The following TRPC5 variants were observed in gnomAD, a reference collection of about 807,000 sequenced individuals.
The protein encoded by TRPC5 is short transient receptor potential channel 5.
TRPC5 carries 9 observed loss-of-function variants against 56.5 expected under a neutral mutation model. That is an observed-to-expected ratio of 0.16 (90% CI 0.10 to 0.28). The LOEUF (loss-of-function observed/expected upper bound fraction) is 0.28. Among genes scored for constraint, TRPC5 ranks in the 10% least tolerant of loss-of-function variants. The pLI is 1.00. For synonymous variants in TRPC5, 282 were observed against 278.5 expected (o/e 1.01, Z -0.13); for missense variants, 469 against 748.9 (o/e 0.63, Z 4.36).
intron 3 of TRPC5, among the ~76,000 whole-genome samples, chrX:111,872,804 A>G (rs1302285773): frequency 8.9e-6 from 1 of 112,268 alleles, no homozygotes; most frequent in Non-Finnish European, 1.9e-5. Context: ...CAAAGCCACA[A>G]TGAAATACCA....
At chrX:111,822,689 TTTATTAAG>T (rs1273647741) in intron 7 of TRPC5, among the ~76,000 whole-genome samples, 1 of 112,337 alleles carries the variant, frequency 8.9e-6, no homozygotes, top group East Asian at 2.8e-4. Context: ...TCAATACATG[TTTATTAAG>T]TTATTAAGTT....
chrX:111,836,710 A>G (rs1211100616), intron 6 of TRPC5, among the ~76,000 whole-genome samples: 2 of 112,638 alleles, frequency 1.8e-5, no homozygotes, highest in African/African-American at 3.2e-5. Flanking sequence ...TGTAAGCTCT[A>G]TGGAGGCAGA....
intron 1 of TRPC5, among the ~76,000 whole-genome samples, chrX:112,008,299 G>C (rs1457163152): frequency 1.1e-4 from 12 of 111,978 alleles, no homozygotes; most frequent in Admixed American, 1.9e-4. Flanking sequence ...TTTAGAAATA[G>C]AGAAGGTGAT....
At chrX:112,037,138 G>T (rs1477936207) in intron 1 of TRPC5, among the ~76,000 whole-genome samples, 3 of 111,460 alleles carry the variant, frequency 2.7e-5, no homozygotes. Flanking sequence ...TCTATCAATT[G>T]TAAACATTGC....
chrX:111,936,309 C>G (rs1421509131), intron 2 of TRPC5, among the ~76,000 whole-genome samples: 1 of 110,655 alleles, frequency 9.0e-6, no homozygotes, highest in Non-Finnish European at 1.9e-5. Context: ...TTATATCCTG[C>G]ACTTTACTGA....
At chrX:111,966,874 T>C in intron 1 of TRPC5, among the ~76,000 whole-genome samples, 1 of 111,239 alleles carries the variant, frequency 9.0e-6, no homozygotes. Context: ...GCCAATATCA[T>C]ACTGAATGGG....
chrX:111,937,196 T>C (rs1344652880), intron 2 of TRPC5, among the ~76,000 whole-genome samples: 2 of 106,031 alleles, frequency 1.9e-5, no homozygotes, highest in Non-Finnish European at 3.9e-5. Flanking sequence ...GAGTTGTTTG[T>C]TTTTTTCTTG....
chrX:112,005,044 G>A (rs1004662188), intron 1 of TRPC5, among the ~76,000 whole-genome samples: 3 of 111,256 alleles, frequency 2.7e-5, no homozygotes, highest in African/African-American at 6.5e-5. Context: ...CATTGCTATC[G>A]TGAATTTTAC....
chrX:112,067,790 T>C (rs1199315626), intron 1 of TRPC5, among the ~76,000 whole-genome samples: 2 of 111,937 alleles, frequency 1.8e-5, no homozygotes, highest in Non-Finnish European at 3.8e-5. Context: ...ATGCTCCACT[T>C]AACAGTGAAG....
At chrX:111,864,231 G>A (rs780637547) in intron 3 of TRPC5, among the ~76,000 whole-genome samples, 7 of 111,217 alleles carry the variant, frequency 6.3e-5, no homozygotes, top group East Asian at 5.7e-4. Context: ...CTCCTGATCC[G>A]CAGGCCTCCA....
In TRPC5 at chrX:112,027,645, C is replaced by T. The variant is rs59363510; in HGVS notation, c.-22+54234G>A. On this transcript the variant is annotated intron_variant, in intron 1 of 10. Transcript: ENST00000262839. ...CTGAGTAGCTGGGACTACAGGCGCC[C>T]GCCACCACGCCTGGCTAATTTTTTG... is the stretch of plus-strand genomic sequence containing the variant. 3.3e-3 allele frequency among the ~76,000 whole-genome samples: 371 copies of T among 110,872 alleles called. 1 individual carries two copies. Among genetic ancestry groups the T allele is most frequent in the African/African-American group, 0.012 (356 of 30,478 alleles).
intron 7 of TRPC5, among the ~76,000 whole-genome samples, chrX:111,815,495 G>A (rs1921831460): frequency 9.0e-6 from 1 of 111,307 alleles, no homozygotes; most frequent in East Asian, 2.8e-4. Context: ...TTGGGAAGCC[G>A]AGGTAGGTGG....
chrX:112,000,691 C>A (rs1245939647), intron 1 of TRPC5, among the ~76,000 whole-genome samples: 1 of 112,343 alleles, frequency 8.9e-6, no homozygotes, highest in Non-Finnish European at 1.9e-5. Context: ...TCCTGTCCTA[C>A]AACATGTAGA....
At chrX:112,047,737 G>C (rs1930087784) in intron 1 of TRPC5, among the ~76,000 whole-genome samples, 1 of 111,758 alleles carries the variant, frequency 8.9e-6, no homozygotes, top group Non-Finnish European at 1.9e-5. Flanking sequence ...CTGTACTTGT[G>C]GGAGTCTAGT....
At chrX:111,829,301 CAAAAAA>C (rs34464345) in intron 7 of TRPC5, among the ~76,000 whole-genome samples, 1 of 22,364 alleles carries the variant, frequency 4.5e-5, no homozygotes, top group African/African-American at 1.1e-4. Flanking sequence ...GACTCTGTCT[CAAAAAA>C]AAAAAAAAAA....
intron 1 of TRPC5, among the ~76,000 whole-genome samples, chrX:111,963,043 A>G (rs949181726): frequency 8.9e-6 from 1 of 112,359 alleles, no homozygotes; most frequent in African/African-American, 3.2e-5. Flanking sequence ...TCACTCGGAC[A>G]GCGCAAGGGG....
chrX:111,843,923 TGA>T (rs1225461042), intron 6 of TRPC5, among the ~76,000 whole-genome samples: 4 of 101,003 alleles, frequency 4.0e-5, no homozygotes, highest in Non-Finnish European at 8.0e-5. Flanking sequence ...TGTGTGTATG[TGA>T]GAGAGAGAGA....
At chrX:112,017,647 TGG>T (rs1319870029) in intron 1 of TRPC5, among the ~76,000 whole-genome samples, 3 of 110,939 alleles carry the variant, frequency 2.7e-5, no homozygotes, top group African/African-American at 9.8e-5. Context: ...CCTTGGACCT[TGG>T]GGCGCTGGGC....
intron 1 of TRPC5, among the ~76,000 whole-genome samples, chrX:112,056,219 A>G (rs1930338671): frequency 8.9e-6 from 1 of 111,803 alleles, no homozygotes; most frequent in African/African-American, 3.3e-5. Context: ...GGACACTCTC[A>G]TGCAGTGCGT....
Sources: allele counts gnomAD v4.1 joint callset (sites outside exome capture counted in the v4.1 genomes callset), GRCh38; gene constraint gnomAD v4.1.1; transcripts MANE v1.5; gene names NCBI Gene and HGNC (gene_info 2026-07-23, HGNC 2026-07-21).